CNTN5: variants seen among roughly 807,000 people sequenced by gnomAD.
The protein encoded by CNTN5 is contactin-5.
In CNTN5, 77 loss-of-function variants were observed where a neutral mutation model predicts 129.1. That is an observed-to-expected ratio of 0.60 (90% CI 0.50 to 0.72). The LOEUF (loss-of-function observed/expected upper bound fraction) is 0.72, where lower values mean the gene tolerates loss of function less well. Ranked by LOEUF, CNTN5 falls within the 30% of genes least tolerant of loss-of-function variation. The pLI is 0.00. For missense variants in CNTN5, 1,478 were observed against 1,328.8 expected, an observed-to-expected ratio of 1.11 and a Z score of -1.75; for synonymous variants, 509 against 465.6, an observed-to-expected ratio of 1.09 and a Z score of -1.20.
chr11:99,682,431 G>T (rs1679036070), intron 3 of CNTN5, among the ~76,000 whole-genome samples: 1 of 151,878 alleles, frequency 6.6e-6, no homozygotes, highest in South Asian at 2.1e-4. Flanking sequence ...GTGGGAGGAA[G>T]CAGCTTTAGG....
chr11:99,491,201 T>C (rs1946022568), intron 2 of CNTN5, among the ~76,000 whole-genome samples: 2 of 152,116 alleles, frequency 1.3e-5, no homozygotes, highest in African/African-American at 4.8e-5. Flanking sequence ...TTAGGCCGTG[T>C]TGGCTGGAAT....
chr11:99,797,464 C>G (rs2135465229), intron 3 of CNTN5, among the ~76,000 whole-genome samples: 1 of 152,196 alleles, frequency 6.6e-6, no homozygotes, highest in Admixed American at 6.5e-5. Context: ...TCTGTAATAA[C>G]TGCCATTCTG....
chr11:100,009,373 C>T (rs1940386095), intron 9 of CNTN5, among the ~76,000 whole-genome samples: 1 of 151,768 alleles, frequency 6.6e-6, no homozygotes, highest in South Asian at 2.1e-4. Context: ...AGGTATTTCC[C>T]CAGAAAAATG....
intron 3 of CNTN5, among the ~76,000 whole-genome samples, chr11:99,818,063 C>A (rs1007404272): frequency 2.0e-5 from 3 of 152,128 alleles, no homozygotes; most frequent in African/African-American, 7.2e-5. Context: ...TAATTTGATG[C>A]TTAACACCTA....
chr11:99,855,121 C>A (rs1947993493), intron 6 of CNTN5, among the ~76,000 whole-genome samples: 1 of 151,978 alleles, frequency 6.6e-6, no homozygotes. Flanking sequence ...CCAGCCTGGG[C>A]AATATGGCAA....
chr11:99,894,515 CAA>C (rs202067813), intron 6 of CNTN5, among the ~76,000 whole-genome samples: 60 of 107,460 alleles, frequency 5.6e-4, no homozygotes, highest in Non-Finnish European at 8.3e-4. Context: ...GTACCAGCAG[CAA>C]AAAAAAAAAA....
Position 100,336,970 on chromosome 11 carries a change from C to T in CNTN5, c.2731-3493C>T. On this transcript the variant is annotated intron_variant, in intron 21 of 24. Transcript: ENST00000524871. ...GCACCTTCTTAGGCAGAAAAGAAAT[C>T]AAGAGCCAGAGCACAGCACATTGAA... is the stretch of plus-strand genomic sequence containing the variant. The T allele has an allele frequency of 4.1e-6, 3 of 731,220 alleles. No homozygotes were observed. In the South Asian group the frequency reaches 4.5e-5, roughly 11 times the overall value. 45.3% of individuals were successfully genotyped at this position (731,220 alleles called of 1,614,324 possible).
chr11:99,101,909 C>A (rs932313669), intron 1 of CNTN5, among the ~76,000 whole-genome samples: 4 of 152,228 alleles, frequency 2.6e-5, no homozygotes, highest in Non-Finnish European at 5.9e-5. Context: ...ATCAATCCCA[C>A]ATTTGCCTTC....
chr11:100,136,783 AT>A (rs11286131), intron 13 of CNTN5, among the ~76,000 whole-genome samples: 98,936 of 149,938 alleles, frequency 0.66, 34,118 homozygotes, highest in African/African-American at 0.87. Flanking sequence ...TGGTTTCCAC[AT>A]TGTTAAAAAA....
intron 23 of CNTN5, among the ~76,000 whole-genome samples, chr11:100,345,650 GAT>G (rs1952263709): frequency 6.6e-6 from 1 of 150,548 alleles, no homozygotes; most frequent in Non-Finnish European, 1.5e-5. Context: ...TATCATGAAA[GAT>G]AGATGGAATT....
intron 13 of CNTN5, among the ~76,000 whole-genome samples, chr11:100,164,779 T>A (rs1394706111): frequency 6.6e-6 from 1 of 151,826 alleles, no homozygotes; most frequent in Non-Finnish European, 1.5e-5. Context: ...GGTGAGAGTA[T>A]GGAAATTAGC....
At position 99,774,883 on chromosome 11, in the gene CNTN5, A is replaced by G. The variant is rs117042532; in HGVS notation, c.56-44661A>G. Among the ~76,000 whole-genome samples, 451 of 152,232 alleles carry G rather than the reference A, an allele frequency of 3.0e-3. 9 individuals carry two copies. Among genetic ancestry groups the G allele is most frequent in the Admixed American group, 0.023 (347 of 15,246 alleles). The stretch of plus-strand genomic sequence containing the variant: ...AAATATTAAAAAAAAATTTTCTTTC[A>G]AAAAACCAGTAACCCAAGTATCTAT... On this transcript the variant is annotated intron_variant, in intron 3 of 24. Transcript: ENST00000524871.
At chr11:99,820,898 A>G (rs181944294) in intron 4 of CNTN5, among the ~76,000 whole-genome samples, 12 of 152,212 alleles carry the variant, frequency 7.9e-5, no homozygotes, top group East Asian at 1.9e-4. Flanking sequence ...GGGAATGTCA[A>G]TTATTAGGTT....
At chr11:99,149,021 A>T (rs1859921356) in intron 1 of CNTN5, among the ~76,000 whole-genome samples, 1 of 152,170 alleles carries the variant, frequency 6.6e-6, no homozygotes, top group Non-Finnish European at 1.5e-5. Context: ...GTTCATAATG[A>T]GTAATAAGGA....
chr11:100,099,814 T>C (rs1412122797), intron 13 of CNTN5, among the ~76,000 whole-genome samples: 1 of 152,074 alleles, frequency 6.6e-6, no homozygotes, highest in Non-Finnish European at 1.5e-5. Flanking sequence ...GTACATTGTT[T>C]CTACTAAGTT....
At chr11:99,891,394 A>C (rs1949054840) in intron 6 of CNTN5, among the ~76,000 whole-genome samples, 1 of 152,010 alleles carries the variant, frequency 6.6e-6, no homozygotes, top group Non-Finnish European at 1.5e-5. Context: ...GATTTGTTAC[A>C]TAGGTATACA....
chr11:99,765,711 G>A (rs995140541), intron 3 of CNTN5, among the ~76,000 whole-genome samples: 9 of 150,904 alleles, frequency 6.0e-5, no homozygotes, highest in East Asian at 3.9e-4. Flanking sequence ...AACTATAGAA[G>A]AGTCTACACC....
chr11:99,994,026 G>T (rs2137428523), intron 8 of CNTN5, among the ~76,000 whole-genome samples: 1 of 152,100 alleles, frequency 6.6e-6, no homozygotes, highest in East Asian at 1.9e-4. Flanking sequence ...ACCTCTTGGG[G>T]CCAGAAGTGA....
intron 1 of CNTN5, among the ~76,000 whole-genome samples, chr11:99,271,018 A>G (rs1057020701): frequency 6.6e-6 from 1 of 151,966 alleles, no homozygotes; most frequent in Non-Finnish European, 1.5e-5. Context: ...ACACCTTCAG[A>G]GTGTAGAGCT....
Sources: gnomAD v4.1 joint callset for allele counts (sites outside exome capture counted in the v4.1 genomes callset) on GRCh38, gnomAD v4.1.1 for gene constraint, MANE v1.5 for transcripts, NCBI Gene and HGNC (gene_info 2026-07-23, HGNC 2026-07-21) for gene names.